Variants in ANOS1 observed in about 807,000 individuals in gnomAD.
ANOS1 encodes anosmin-1.
In ANOS1, 6 loss-of-function variants were observed where a neutral mutation model predicts 59.0. The ratio of observed to expected loss-of-function variants is 0.10; its 90% CI spans 0.06 to 0.20. The LOEUF is 0.20. Among genes scored for constraint, ANOS1 ranks in the 10% least tolerant of loss-of-function variants. ANOS1 has a pLI of 1.00. For missense variants in ANOS1, 433 were observed against 542.3 expected (o/e 0.80, Z 2.00); for synonymous variants, 217 against 223.4 (o/e 0.97, Z 0.25).
chrX:8,574,474 G>A (rs1930287447), intron 6 of ANOS1, among the ~76,000 whole-genome samples: 1 of 111,219 alleles, frequency 9.0e-6, no homozygotes, highest in East Asian at 2.8e-4. Context: ...TAACATTTGA[G>A]TCACTGGACT....
At chrX:8,701,669 A>G (rs1339457525) in intron 1 of ANOS1, among the ~76,000 whole-genome samples, 1 of 112,522 alleles carries the variant, frequency 8.9e-6, no homozygotes, top group Non-Finnish European at 1.9e-5. Flanking sequence ...TAAATGCTAC[A>G]GCAATCTTGC....
At chrX:8,603,050 T>G (rs903411160) in intron 3 of ANOS1, among the ~76,000 whole-genome samples, 2 of 112,201 alleles carry the variant, frequency 1.8e-5, no homozygotes, top group Non-Finnish European at 3.8e-5. Context: ...AATGTCATTC[T>G]TTTGCCAGGT....
At chrX:8,572,919 T>G (rs752689245) in intron 6 of ANOS1, among the ~76,000 whole-genome samples, 1 of 111,098 alleles carries the variant, frequency 9.0e-6, no homozygotes, top group African/African-American at 3.3e-5. Flanking sequence ...GTTATTGGAA[T>G]GGGAAGCACC....
At chrX:8,725,543 TATATACAGATATATATATACAGATATAC>T (rs1932905262) in intron 1 of ANOS1, among the ~76,000 whole-genome samples, 3 of 98,543 alleles carry the variant, frequency 3.0e-5, no homozygotes, top group African/African-American at 7.4e-5. Flanking sequence ...TACAGATATA[TATATACAGATATATATATACAGATATAC>T]ATATATACAG....
intron 9 of ANOS1, among the ~76,000 whole-genome samples, chrX:8,541,425 C>CA (rs1228164937): frequency 2.1e-4 from 18 of 84,928 alleles, no homozygotes; most frequent in African/African-American, 5.5e-4. Context: ...CCCCCAAAAA[C>CA]AAAAAAACAA....
chrX:8,566,106 G>A (rs960597721), intron 8 of ANOS1: 22 of 754,083 alleles, frequency 2.9e-5, no homozygotes, highest in Non-Finnish European at 3.4e-5. Flanking sequence ...CATTCCTTGT[G>A]GGCCTGCAGA....
At chrX:8,623,529 G>T (rs1931334453) in intron 3 of ANOS1, 79 bp downstream of exon 3, 1 of 689,752 alleles carries the variant, frequency 1.4e-6, no homozygotes, top group South Asian at 2.2e-5. Flanking sequence ...GAATAAGAAG[G>T]CCCATTCATT....
intron 2 of ANOS1, among the ~76,000 whole-genome samples, chrX:8,667,250 C>G (rs1034807834): frequency 2.7e-5 from 3 of 110,044 alleles, no homozygotes; most frequent in African/African-American, 9.9e-5. Context: ...CCGTACTGGA[C>G]AAATGAAACT....
intron 9 of ANOS1, among the ~76,000 whole-genome samples, chrX:8,546,461 C>G (rs1300672084): frequency 8.9e-6 from 1 of 112,099 alleles, no homozygotes; most frequent in Non-Finnish European, 1.9e-5. Flanking sequence ...AGAAAAAGGA[C>G]TTTTTGGAAA....
At chrX:8,645,343 G>A (rs1029129861) in intron 2 of ANOS1, among the ~76,000 whole-genome samples, 2 of 111,786 alleles carry the variant, frequency 1.8e-5, no homozygotes, top group African/African-American at 6.5e-5. Flanking sequence ...GCAGGTGTCG[G>A]CAGAATGTGA....
At chrX:8,729,712 T>TAAAAAAAAAAA (rs1173021674) in intron 1 of ANOS1, among the ~76,000 whole-genome samples, 11 of 63,066 alleles carry the variant, frequency 1.7e-4, no homozygotes, top group African/African-American at 6.5e-4. Flanking sequence ...TTCTAATTAT[T>TAAAAAAAAAAA]AAAAAAAAAA....
At chrX:8,695,699 GAA>G (rs774226890) in intron 2 of ANOS1, among the ~76,000 whole-genome samples, 3 of 51,775 alleles carry the variant, frequency 5.8e-5, no homozygotes, top group East Asian at 7.3e-4. Flanking sequence ...TATAAGGGTG[GAA>G]AAAAAAAAAA....
At chrX:8,730,465 C>A (rs1023417730) in intron 1 of ANOS1, among the ~76,000 whole-genome samples, 1 of 112,981 alleles carries the variant, frequency 8.9e-6, no homozygotes, top group African/African-American at 3.2e-5. Context: ...CGCGAACGCG[C>A]CAGCTTCACC....
chrX:8,550,722 G>C (rs1490887478), intron 9 of ANOS1, among the ~76,000 whole-genome samples: 2 of 109,748 alleles, frequency 1.8e-5, no homozygotes, highest in Admixed American at 2.0e-4. Flanking sequence ...TAGAGCTTTG[G>C]GGAAAATAGT....
chrX:8,703,994 C>A lies in ANOS1; in HGVS notation c.208-4249G>T, dbSNP rs1416037961. Among the ~76,000 whole-genome samples the A allele has an allele frequency of 2.7e-5, 3 of 110,818 alleles. No individual in the cohort carries two copies. In the Admixed American group the frequency reaches 2.9e-4, roughly 11 times the overall value. The stretch of plus-strand genomic sequence containing the variant: ...ATTCCCATGTGATGTGAGAGGGACC[C>A]TAGGAGAGGTAATTGAATCATGGGG... On this transcript the variant is annotated intron_variant, in intron 1 of 13. Transcript: ENST00000262648.
chrX:8,682,085 G>A (rs902918394), intron 2 of ANOS1, among the ~76,000 whole-genome samples: 1 of 110,912 alleles, frequency 9.0e-6, no homozygotes, highest in Non-Finnish European at 1.9e-5. Context: ...CAAGCACGGG[G>A]TCAGGCACAT....
In ANOS1 at chrX:8,535,735, G is replaced by A. The variant is rs145982109; in HGVS notation, c.1698C>T (p.Thr566=). 1.1e-4 allele frequency: 135 copies of A among 1,210,188 alleles called. No homozygotes were observed. The highest frequency in any genetic ancestry group is 2.3e-4 in the Middle Eastern group (1 of 4,376). Residue 566 remains threonine (T), a synonymous_variant, in exon 12 of 14, where the codon ACC becomes ACT. Coordinates refer to ENST00000262648, the MANE Select transcript of ANOS1 (RefSeq NM_000216.4). The part of the protein sequence containing the change: ...ASFIVQDVNI[T]GHFSWKMAKA... ...TGGCCATCTTCCAAGAAAAGTGACC[G>A]GTGATGTTCACATCCTGGACGATGA...
intron 2 of ANOS1, among the ~76,000 whole-genome samples, chrX:8,630,619 G>A (rs1443180942): frequency 8.9e-6 from 1 of 111,821 alleles, no homozygotes; most frequent in East Asian, 2.8e-4. Context: ...AATATTGAAT[G>A]TATGGAGTGG....
intron 2 of ANOS1, among the ~76,000 whole-genome samples, chrX:8,646,978 C>CTACCAA (rs1931770780): frequency 9.3e-6 from 1 of 107,749 alleles, no homozygotes; most frequent in Non-Finnish European, 1.9e-5. Context: ...CACTTGCATG[C>CTACCAA]TACCAATGAG....
Sources: allele counts gnomAD v4.1 joint callset (sites outside exome capture counted in the v4.1 genomes callset), GRCh38; gene constraint gnomAD v4.1.1; transcripts MANE v1.5; gene names NCBI Gene and HGNC (gene_info 2026-07-23, HGNC 2026-07-21).